RNF144A: variants seen among roughly 807,000 people sequenced by gnomAD.
RNF144A encodes the protein E3 ubiquitin-protein ligase RNF144A.
Under a neutral mutation model 38.7 loss-of-function variants are expected in RNF144A, and 11 were observed. The ratio of observed to expected loss-of-function variants is 0.28; its 90% CI spans 0.18 to 0.47. The LOEUF (loss-of-function observed/expected upper bound fraction) is 0.47, where lower values mean the gene tolerates loss of function less well. Ranked by LOEUF, RNF144A falls within the 20% of genes least tolerant of loss-of-function variation. The pLI, the probability that RNF144A is intolerant of heterozygous loss-of-function variation, is 0.99. For synonymous variants in RNF144A, 149 were observed against 143.9 expected (o/e 1.04, Z -0.25); for missense variants, 316 against 377.2 (o/e 0.84, Z 1.34).
chr2:7,062,931 A>G (rs1403426482), intron 6 of RNF144A: 3 of 152,246 alleles, frequency 2.0e-5, no homozygotes, highest in African/African-American at 2.4e-5. Flanking sequence ...CAAAACATAC[A>G]GTAAGAAGAC....
intron 1 of RNF144A, among the ~76,000 whole-genome samples, chr2:6,921,282 G>A (rs1454270121): frequency 6.6e-6 from 1 of 152,216 alleles, no homozygotes; most frequent in African/African-American, 2.4e-5. Context: ...TCTCTAAGGA[G>A]CAGGCTTATA....
At chr2:6,964,832 G>C (rs140242548) in intron 2 of RNF144A, among the ~76,000 whole-genome samples, 2 of 152,100 alleles carry the variant, frequency 1.3e-5, no homozygotes, top group East Asian at 1.9e-4. Flanking sequence ...GGGTCGGGGA[G>C]GGGGAGGGAT....
rs188351802 is a variant in RNF144A at position 7,039,537 on chromosome 2, T to G, written c.748-92T>G. The G allele has an allele frequency of 7.3e-4, 1,125 of 1,546,626 alleles. 11 individuals are homozygous for G. The African/African-American group carries it at 0.013, about 18-fold the overall frequency. The stretch of plus-strand genomic sequence containing the variant: ...ATGGTTGGGTGGATGGATGGATGGA[T>G]GGATGGGTAGCTGGTTGTGTGGTTT... On this transcript the variant is annotated intron_variant, in intron 8 of 8. Coordinates refer to ENST00000320892, the MANE Select transcript of RNF144A (RefSeq NM_014746.6).
In RNF144A at chr2:7,020,462, C is replaced by T. The variant is rs375375632; in HGVS notation, c.302-11C>T. The T allele has an allele frequency of 6.2e-7, 1 of 1,610,252 alleles. No homozygotes were observed. The highest frequency in any genetic ancestry group is 8.5e-7 in the Non-Finnish European group (1 of 1,177,214). ...TAAGTTTGATTTGTCCATTTTGTCT[C>T]ACTGTACCAGAGGTGCTGTTTGATC... On this transcript the variant is annotated splice_polypyrimidine_tract_variant and intron_variant, in intron 5 of 8. Transcript: ENST00000320892.
At chr2:7,013,343 G>T (rs141240387) in intron 3 of RNF144A, among the ~76,000 whole-genome samples, 100 of 152,324 alleles carry the variant, frequency 6.6e-4, no homozygotes, top group African/African-American at 2.3e-3. Flanking sequence ...TTTCCATTTA[G>T]ACCCATTCAT....
intron 1 of RNF144A, among the ~76,000 whole-genome samples, chr2:6,925,220 G>A (rs1260929885): frequency 6.6e-6 from 1 of 152,042 alleles, no homozygotes; most frequent in Non-Finnish European, 1.5e-5. Flanking sequence ...TGGTGTGGAT[G>A]GGATGGGGCT....
chr2:6,933,716 A>T (rs1665361638), intron 1 of RNF144A, among the ~76,000 whole-genome samples: 2 of 106,598 alleles, frequency 1.9e-5, no homozygotes, highest in Admixed American at 9.6e-5. Flanking sequence ...TTGTGAGTAT[A>T]TAAATTAAGT....
At chr2:6,976,027 G>T (rs1217229782) in intron 2 of RNF144A, among the ~76,000 whole-genome samples, 1 of 152,130 alleles carries the variant, frequency 6.6e-6, no homozygotes, top group Non-Finnish European at 1.5e-5. Context: ...ACCTTCCATG[G>T]TTTAGTCCAC....
intron 6 of RNF144A, among the ~76,000 whole-genome samples, chr2:7,066,189 G>A (rs369812961): frequency 6.6e-6 from 1 of 151,744 alleles, no homozygotes; most frequent in African/African-American, 2.4e-5. Flanking sequence ...CTGGGTTTAC[G>A]CCATTCTCCT....
At chr2:7,008,231 C>T (rs932552986) in intron 3 of RNF144A, among the ~76,000 whole-genome samples, 1 of 152,392 alleles carries the variant, frequency 6.6e-6, no homozygotes, top group African/African-American at 2.4e-5. Context: ...GAACAAAGAG[C>T]GGCCTTCCTC....
chr2:6,932,144 C>T (rs1009299315), intron 1 of RNF144A, among the ~76,000 whole-genome samples: 3 of 152,148 alleles, frequency 2.0e-5, no homozygotes, highest in Non-Finnish European at 4.4e-5. Flanking sequence ...GAAAATTGAT[C>T]TCTTTATTAT....
chr2:7,059,253 A>G (rs1673861743), intron 6 of RNF144A, among the ~76,000 whole-genome samples: 1 of 152,122 alleles, frequency 6.6e-6, no homozygotes, highest in African/African-American at 2.4e-5. Flanking sequence ...AGGCTGAGGC[A>G]GGAGTATGGC....
At chr2:6,953,509 C>T (rs1233732754) in intron 2 of RNF144A, among the ~76,000 whole-genome samples, 1 of 152,130 alleles carries the variant, frequency 6.6e-6, no homozygotes, top group Non-Finnish European at 1.5e-5. Flanking sequence ...ATGTTTAGTT[C>T]TACATATTTT....
intron 3 of RNF144A, among the ~76,000 whole-genome samples, chr2:7,008,335 C>A (rs1670581600): frequency 6.6e-6 from 1 of 152,208 alleles, no homozygotes; most frequent in African/African-American, 2.4e-5. Context: ...AGCTGCAGGC[C>A]CGGCTGCAGG....
intron 7 of RNF144A, 26 bp downstream of exon 7, chr2:7,024,542 T>C: frequency 6.3e-7 from 1 of 1,584,268 alleles, no homozygotes; most frequent in Non-Finnish European, 8.6e-7. Flanking sequence ...AGCTTCACCT[T>C]GCGGCATTTA....
At chr2:7,014,407 T>G in intron 3 of RNF144A, 47 bp from the exon 4 acceptor site, 3 of 1,254,620 alleles carry the variant, frequency 2.4e-6, no homozygotes, top group Non-Finnish European at 3.5e-6. Context: ...TTCTTCAGCA[T>G]TAAGGAGGTA....
chr2:6,961,539 A>G (rs1263030916), intron 2 of RNF144A, among the ~76,000 whole-genome samples: 2 of 152,124 alleles, frequency 1.3e-5, no homozygotes, highest in Non-Finnish European at 2.9e-5. Flanking sequence ...GTATTTGGAG[A>G]GATGAGACAT....
chr2:7,054,294 T>C (rs1673641162), intron 6 of RNF144A, among the ~76,000 whole-genome samples: 1 of 152,208 alleles, frequency 6.6e-6, no homozygotes, highest in African/African-American at 2.4e-5. Context: ...CATCACCCAC[T>C]ACCCTGGACA....
intron 2 of RNF144A, among the ~76,000 whole-genome samples, chr2:6,972,821 C>T (rs1572303543): frequency 1.3e-5 from 2 of 152,310 alleles, no homozygotes; most frequent in South Asian, 4.1e-4. Context: ...AGCAGAAGAT[C>T]CGCAGGGAAG....
Sources: allele counts gnomAD v4.1 joint callset (sites outside exome capture counted in the v4.1 genomes callset), GRCh38; gene constraint gnomAD v4.1.1; transcripts MANE v1.5; gene names NCBI Gene and HGNC (gene_info 2026-07-23, HGNC 2026-07-21).